The following PCDHGB2 variants were observed in gnomAD, a reference collection of about 807,000 sequenced individuals.
PCDHGB2 encodes the protein protocadherin gamma subfamily B, 2.
In PCDHGB2, 55 loss-of-function variants were observed where a neutral mutation model predicts 59.3. The ratio of observed to expected loss-of-function variants is 0.93; its 90% CI spans 0.75 to 1.16. PCDHGB2 has a LOEUF of 1.16. Ranked by LOEUF, PCDHGB2 falls within the 50% of genes most tolerant of loss-of-function variation. The probability of loss-of-function intolerance (pLI) is 0.00; values close to 1 mark genes in which losing one functional copy is unlikely to be tolerated. For missense variants in PCDHGB2, 1,228 were observed against 1,198.5 expected, an observed-to-expected ratio of 1.02 and a Z score of -0.36; for synonymous variants, 516 against 512.0, an observed-to-expected ratio of 1.01 and a Z score of -0.11.
Position 141,421,742 on chromosome 5 carries a change from A to G in PCDHGB2, c.2421+59186A>G, listed in dbSNP as rs772984365. The stretch of plus-strand genomic sequence containing the variant: ...GGCGTGAACTCCCTCCAGAGCTACC[A>G]GCTCAGCCCTAATAATTACTTTTCC... On this transcript the variant is annotated intron_variant, in intron 1 of 3. Transcript: ENST00000522605. The G allele has an allele frequency of 4.3e-6, 7 of 1,613,826 alleles. No individual in the cohort carries two copies. The East Asian group carries it at 1.3e-4, about 31-fold the overall frequency.
At chr5:141,380,103 A>T (rs1371621007) in intron 1 of PCDHGB2, among the ~76,000 whole-genome samples, 3 of 151,578 alleles carry the variant, frequency 2.0e-5, no homozygotes, top group Admixed American at 6.6e-5. Flanking sequence ...TTTTACCATG[A>T]TGGCCAGGCT....
chr5:141,366,087 A>G, intron 1 of PCDHGB2: 1 of 1,614,230 alleles, frequency 6.2e-7, no homozygotes, highest in Non-Finnish European at 8.5e-7. Flanking sequence ...GAACCTGGCT[A>G]CCTGGTGACC....
intron 1 of PCDHGB2, chr5:141,372,061 A>C: frequency 1.2e-6 from 2 of 1,613,572 alleles, no homozygotes; most frequent in Non-Finnish European, 1.7e-6. Context: ...GACGACCGCA[A>C]CGACAATGCA....
intron 1 of PCDHGB2, chr5:141,376,127 G>T (rs1331529697): frequency 3.7e-6 from 6 of 1,613,710 alleles, no homozygotes; most frequent in Non-Finnish European, 5.1e-6. Flanking sequence ...CGAGCCCTCC[G>T]CCAAACCCAA....
chr5:141,408,108 A>T, intron 1 of PCDHGB2: 1 of 1,441,874 alleles, frequency 6.9e-7, no homozygotes, highest in Non-Finnish European at 9.1e-7. Flanking sequence ...GAGACCCGGG[A>T]CTCCTCCTGT....
chr5:141,420,394 C>A, intron 1 of PCDHGB2: 2 of 1,260,296 alleles, frequency 1.6e-6, no homozygotes, highest in Non-Finnish European at 2.1e-6. Flanking sequence ...AAATATAGGT[C>A]AAATTTATGG....
At position 141,374,995 on chromosome 5, in the gene PCDHGB2, T is replaced by C. The variant is rs551496415; in HGVS notation, c.2421+12439T>C. ...TTTTGACTGGAGAAATTTCAACTTC[T>C]GCAAATCTAGACTATGAGGACTCGA... On this transcript the variant is annotated intron_variant, in intron 1 of 3. Transcript: ENST00000522605. 4 of 1,613,956 alleles carry C rather than the reference T, an allele frequency of 2.5e-6. No individual in the cohort carries two copies. The Admixed American group carries it at 5.0e-5, about 20-fold the overall frequency.
chr5:141,365,177 AAT>A, intron 1 of PCDHGB2: 2 of 1,613,884 alleles, frequency 1.2e-6, no homozygotes, highest in Non-Finnish European at 1.7e-6. Flanking sequence ...CTCTTTTCGC[AAT>A]GAAGAAGAAA....
rs781289120 is a variant in PCDHGB2 at position 141,431,571 on chromosome 5, A to G, written c.2422-63236A>G. ...GTAGTCAACGCTACCGACCCTGACG[A>G]AGGAGTCAATGCGGAAGTGAGGTAT... is the stretch of plus-strand genomic sequence containing the variant. On this transcript the variant is annotated intron_variant, in intron 1 of 3. Transcript: ENST00000522605. The surrounding 1 kb of genome is among the most constrained non-coding windows in gnomAD (Gnocchi z 4.8). 6.2e-7 allele frequency: 1 copy of G among 1,614,144 alleles called. No homozygotes were observed. The highest frequency in any genetic ancestry group is 2.2e-5 in the East Asian group (1 of 44,882).
chr5:141,365,291 G>A (rs1485820114), intron 1 of PCDHGB2: 2 of 1,614,008 alleles, frequency 1.2e-6, no homozygotes, highest in Admixed American at 3.3e-5. Flanking sequence ...GGAAGTGGTA[G>A]CTCAGGATGG....
chr5:141,417,936 A>G (rs1266177574), intron 1 of PCDHGB2: 3 of 1,612,080 alleles, frequency 1.9e-6, no homozygotes, highest in Non-Finnish European at 1.7e-6. Flanking sequence ...CCTTTGTTCT[A>G]CCCCACGCTG....
At chr5:141,461,501 T>G (rs113852528) in intron 1 of PCDHGB2, among the ~76,000 whole-genome samples, 1 of 152,310 alleles carries the variant, frequency 6.6e-6, no homozygotes, top group South Asian at 2.1e-4. Flanking sequence ...TTATTTTTCT[T>G]GGTGATTTGT....
rs751874380 is a variant in PCDHGB2 at position 141,486,055 on chromosome 5, C to A, written c.2422-8752C>A. ...CTGATCGTGTAAGAAACCTCTTTAG[C>A]CTGCACCCCACTACTGGAAAGCTTA... On this transcript the variant is annotated intron_variant, in intron 1 of 3. Transcript: ENST00000522605. The surrounding 1 kb of genome is among the most constrained non-coding windows in gnomAD (Gnocchi z 5.0). The A allele has an allele frequency of 6.2e-7, 1 of 1,614,170 alleles. No individual in the cohort carries two copies. Among genetic ancestry groups the A allele is most frequent in the South Asian group, 1.1e-5 (1 of 91,072 alleles).
intron 3 of PCDHGB2, among the ~76,000 whole-genome samples, chr5:141,510,415 C>G (rs2099881071): frequency 6.6e-6 from 1 of 152,082 alleles, no homozygotes; most frequent in Admixed American, 6.5e-5. Flanking sequence ...GCATGTAAAG[C>G]CATGGTTTCA....
Position 141,491,190 on chromosome 5 carries a change from C to A in PCDHGB2, c.2422-3617C>A, listed in dbSNP as rs759736855. On this transcript the variant is annotated intron_variant, in intron 1 of 3. Transcript: ENST00000522605. The surrounding 1 kb of genome is among the most constrained non-coding windows in gnomAD (Gnocchi z 6.9). ...AGCAGGTGGTGGTCCTGGTGAGGGA[C>A]AATGGTGACCCTTCACTCTCCTCCA... 1 of 1,614,192 alleles carries A rather than the reference C, an allele frequency of 6.2e-7. No homozygotes were observed. The highest frequency in any genetic ancestry group is 1.1e-5 in the South Asian group (1 of 91,082).
chr5:141,366,696 A>T (rs1337477969), intron 1 of PCDHGB2: 1 of 1,614,244 alleles, frequency 6.2e-7, no homozygotes. Flanking sequence ...GAGAAAAGCG[A>T]GCCTCTTCTG....
intron 1 of PCDHGB2, chr5:141,412,940 T>G: frequency 2.2e-6 from 1 of 463,218 alleles, no homozygotes; most frequent in Non-Finnish European, 3.8e-6. Context: ...CTTAGGACTC[T>G]GAGCGCCGCT....
At chr5:141,478,519 G>T (rs778194073) in intron 1 of PCDHGB2, 19 of 1,610,728 alleles carry the variant, frequency 1.2e-5, no homozygotes, top group Non-Finnish European at 1.6e-5. Flanking sequence ...GGCAGGTGTT[G>T]GGTGCAGAGA....
intron 1 of PCDHGB2, chr5:141,417,879 A>G (rs2096177010): frequency 7.1e-6 from 11 of 1,559,306 alleles, no homozygotes; most frequent in South Asian, 2.3e-5. Flanking sequence ...AGCTGCGCGC[A>G]GAGGCGCCGG....
Sources: allele counts gnomAD v4.1 joint callset (sites outside exome capture counted in the v4.1 genomes callset), GRCh38; gene constraint gnomAD v4.1.1; non-coding constraint Gnocchi (gnomAD v3.1); transcripts MANE v1.5; gene names NCBI Gene and HGNC (gene_info 2026-07-23, HGNC 2026-07-21).